Variants in ASPH observed in about 807,000 individuals in gnomAD.
ASPH encodes the protein aspartate beta-hydroxylase.
ASPH carries 100 observed loss-of-function variants against 118.4 expected under a neutral mutation model. That is an observed-to-expected ratio of 0.84 (90% confidence interval 0.72 to 1.00). The LOEUF is 1.00. Ranked by LOEUF, ASPH falls within the 50% of genes least tolerant of loss-of-function variation. ASPH has a pLI of 0.00. For synonymous variants in ASPH, 315 were observed against 325.6 expected (o/e 0.97, Z 0.35); for missense variants, 920 against 919.5 (o/e 1.00, Z -0.01).
intron 12 of ASPH, among the ~76,000 whole-genome samples, chr8:61,636,880 A>C (rs1006274291): frequency 6.6e-6 from 1 of 152,044 alleles, no homozygotes; most frequent in Non-Finnish European, 1.5e-5. Flanking sequence ...ATCTCAACTC[A>C]ATTCAGCCTT....
chr8:61,614,765 T>A (rs988580122), intron 14 of ASPH, among the ~76,000 whole-genome samples: 1 of 152,138 alleles, frequency 6.6e-6, no homozygotes. Flanking sequence ...GCTGAGATTA[T>A]AGGCATTAGC....
chr8:61,658,821 C>A (rs950089280), intron 3 of ASPH: 1 of 152,144 alleles, frequency 6.6e-6, no homozygotes, highest in Non-Finnish European at 1.5e-5. Flanking sequence ...TATTCTTCAA[C>A]AGTATATATA....
intron 22 of ASPH, among the ~76,000 whole-genome samples, chr8:61,520,509 C>A (rs1236906981): frequency 6.6e-6 from 1 of 152,180 alleles, no homozygotes; most frequent in African/African-American, 2.4e-5. Context: ...TTTTAGAAAA[C>A]AACTTAGCTT....
chr8:61,533,228 G>C (rs979186072), intron 21 of ASPH, among the ~76,000 whole-genome samples: 2 of 150,870 alleles, frequency 1.3e-5, no homozygotes, highest in South Asian at 2.1e-4. Context: ...TTTCCTTCTG[G>C]GAGATTTCCT....
chr8:61,536,625 CTTACGTTG>C (rs1819718610), intron 21 of ASPH, among the ~76,000 whole-genome samples: 1 of 152,150 alleles, frequency 6.6e-6, no homozygotes, highest in African/African-American at 2.4e-5. Flanking sequence ...TCTGGTTGGG[CTTACGTTG>C]GAACTGTGGA....
intron 3 of ASPH, among the ~76,000 whole-genome samples, chr8:61,672,194 C>T (rs1253674701): frequency 6.6e-6 from 1 of 152,018 alleles, no homozygotes; most frequent in East Asian, 1.9e-4. Context: ...GGACACTACA[C>T]CAATTGCTTT....
At position 61,584,015 on chromosome 8, in the gene ASPH, G is replaced by T. The variant is rs145790464; in HGVS notation, c.991C>A (p.Pro331Thr). 22 of 1,547,564 alleles carry T rather than the reference G, an allele frequency of 1.4e-5. No individual in the cohort carries two copies. Among genetic ancestry groups the T allele is most frequent in the Non-Finnish European group, 1.9e-5 (22 of 1,139,658 alleles). ...TTATCAAATTTATTTAAAAGTTTAGGCTTCTTTTTCTTAACTGAAAGAAAA... is the reference window on the plus strand; with the variant it reads ...TTATCAAATTTATTTAAAAGTTTAGTCTTCTTTTTCTTAACTGAAAGAAAA... ...EQKAKVKKKK[P>T]KLLNKFDKTI... Residue 331 changes from proline (P) to threonine (T), a missense_variant, in exon 15 of 25, where the codon CCT becomes ACT. Coordinates refer to ENST00000379454, the MANE Select transcript of ASPH (RefSeq NM_004318.4).
intron 1 of ASPH, among the ~76,000 whole-genome samples, chr8:61,697,973 A>T (rs1834335822): frequency 6.6e-6 from 1 of 151,880 alleles, no homozygotes; most frequent in Admixed American, 6.6e-5. Flanking sequence ...AAAAAAAAAA[A>T]TGTCTTGTAA....
intron 3 of ASPH, among the ~76,000 whole-genome samples, chr8:61,671,050 A>G (rs1033468076): frequency 4.6e-5 from 7 of 152,160 alleles, no homozygotes; most frequent in African/African-American, 1.7e-4. Context: ...CCCAGCAACA[A>G]TGGGAAATAC....
At chr8:61,590,330 C>T (rs998360442) in intron 14 of ASPH, among the ~76,000 whole-genome samples, 1 of 152,038 alleles carries the variant, frequency 6.6e-6, no homozygotes, top group Non-Finnish European at 1.5e-5. Context: ...AGAGGGTATA[C>T]ACACTGACTA....
At position 61,567,433 on chromosome 8, in the gene ASPH, G is replaced by A. The variant is rs560310159; in HGVS notation, c.1150-115C>T. ...ATGCTTTAAAAGAAATGTAAGACAC[G>A]TTAGCCTTTTCTCCTTATCAAGAGA... On this transcript the variant is annotated intron_variant, in intron 16 of 24. Coordinates refer to ENST00000379454, the MANE Select transcript of ASPH (RefSeq NM_004318.4). 2.5e-4 allele frequency: 286 copies of A among 1,158,038 alleles called. 2 individuals are homozygous for A. In the African/African-American group the frequency reaches 3.3e-3, roughly 13 times the overall value. The allele number at this position is 1,158,038 out of a possible 1,614,324, so 71.7% of individuals were successfully genotyped here.
intron 3 of ASPH, chr8:61,664,394 ATTCT>A (rs1156409896): frequency 1.1e-5 from 11 of 972,348 alleles, no homozygotes; most frequent in Non-Finnish European, 1.2e-5. Flanking sequence ...TTCTATAGTT[ATTCT>A]AAGACTATAA....
chr8:61,676,392 G>C, intron 3 of ASPH: 3 of 1,396,100 alleles, frequency 2.1e-6, no homozygotes, highest in Non-Finnish European at 2.9e-6. Flanking sequence ...TGGAGGAAGG[G>C]TGATCTCAAA....
intron 14 of ASPH, among the ~76,000 whole-genome samples, chr8:61,611,300 G>A (rs774693171): frequency 2.6e-5 from 4 of 152,162 alleles, no homozygotes; most frequent in Non-Finnish European, 4.4e-5. Flanking sequence ...GCAGGAGCTC[G>A]TTTCCTCCAG....
In ASPH at chr8:61,664,109, C is replaced by T. The variant is rs539468138; in HGVS notation, c.323-10449G>A. On this transcript the variant is annotated intron_variant, in intron 3 of 24. Transcript: ENST00000379454. Reference sequence around the variant, plus strand: ...ATCATTATCAACTAACTGCATTTCACAGTAGTCACAATTAGATATTTAATA... The same window carrying T: ...ATCATTATCAACTAACTGCATTTCATAGTAGTCACAATTAGATATTTAATA... 5.2e-5 allele frequency: 51 copies of T among 972,944 alleles called. No individual in the cohort carries two copies. The African/African-American group carries it at 8.3e-4, about 16-fold the overall frequency. The allele number at this position is 972,944 out of a possible 1,614,324, so 60.3% of individuals were successfully genotyped here.
intron 18 of ASPH, among the ~76,000 whole-genome samples, chr8:61,556,366 A>G (rs768352906): frequency 1.3e-5 from 2 of 152,240 alleles, no homozygotes; most frequent in African/African-American, 2.4e-5. Context: ...TTTAGTGATC[A>G]AGGGAAAATG....
chr8:61,596,188 T>C (rs895987933), intron 14 of ASPH, among the ~76,000 whole-genome samples: 1 of 152,086 alleles, frequency 6.6e-6, no homozygotes, highest in Non-Finnish European at 1.5e-5. Context: ...GGCCTAGGGA[T>C]TGACCCACCC....
intron 13 of ASPH, among the ~76,000 whole-genome samples, chr8:61,620,635 T>C (rs1248609909): frequency 6.6e-6 from 1 of 152,184 alleles, no homozygotes; most frequent in Non-Finnish European, 1.5e-5. Flanking sequence ...CACCTACTAA[T>C]GTCTGGCACA....
In ASPH at chr8:61,572,658, T is replaced by C. The variant is rs562091999; in HGVS notation, c.1149+4114A>G. Among the ~76,000 whole-genome samples the C allele has an allele frequency of 6.6e-5, 10 of 152,324 alleles. No homozygotes were observed. The East Asian group carries it at 1.7e-3, about 26-fold the overall frequency. On this transcript the variant is annotated intron_variant, in intron 16 of 24. Transcript: ENST00000379454. ...CAACTGCCCACTTCCCTCATCTCCATGGCCGTGAACGCAGTCCAAGCCACC... is the reference window on the plus strand; with the variant it reads ...CAACTGCCCACTTCCCTCATCTCCACGGCCGTGAACGCAGTCCAAGCCACC...
Sources: gnomAD v4.1 joint callset for allele counts (sites outside exome capture counted in the v4.1 genomes callset) on GRCh38, gnomAD v4.1.1 for gene constraint, MANE v1.5 for transcripts, NCBI Gene and HGNC (gene_info 2026-07-23, HGNC 2026-07-21) for gene names.